NBEA: variants seen among roughly 807,000 people sequenced by gnomAD.
NBEA encodes neurobeachin.
A neutral mutation model predicts 343.4 loss-of-function variants in NBEA; 44 were observed. That is an observed-to-expected ratio of 0.13 (90% CI 0.10 to 0.16). The LOEUF (loss-of-function observed/expected upper bound fraction) is 0.16, where lower values mean the gene tolerates loss of function less well. Ranked by LOEUF, NBEA falls within the 10% of genes least tolerant of loss-of-function variation. The probability of loss-of-function intolerance (pLI) is 1.00; values close to 1 mark genes in which losing one functional copy is unlikely to be tolerated. For synonymous variants in NBEA, 1,175 were observed against 1,238.7 expected (o/e 0.95, Z 1.08); for missense variants, 2,555 against 3,631.3 (o/e 0.70, Z 7.62).
intron 1 of NBEA, among the ~76,000 whole-genome samples, chr13:35,010,841 T>G (rs2061474401): frequency 6.8e-6 from 1 of 147,246 alleles, no homozygotes; most frequent in South Asian, 2.1e-4. Flanking sequence ...GTTAGGAAGA[T>G]GACTGGAGCC....
chr13:35,664,958 C>G, intron 55 of NBEA, 127 bp from the exon 56 acceptor site: 1 of 662,246 alleles, frequency 1.5e-6, no homozygotes, highest in South Asian at 1.9e-5. Context: ...GTAACTGGCT[C>G]ATGGTCACAC....
chr13:35,580,534 T>A (rs916512770), intron 45 of NBEA, among the ~76,000 whole-genome samples: 1 of 152,182 alleles, frequency 6.6e-6, no homozygotes, highest in Non-Finnish European at 1.5e-5. Flanking sequence ...AGTAGGTAAT[T>A]GATTGATAGA....
At position 35,041,661 on chromosome 13, in the gene NBEA, T is replaced by G. The variant is rs146647671; in HGVS notation, c.526+497T>G. Among the ~76,000 whole-genome samples, 17 of 152,090 alleles carry G rather than the reference T, an allele frequency of 1.1e-4. No individual in the cohort carries two copies. The East Asian group carries it at 3.1e-3, about 28-fold the overall frequency. ...TTTGGAAGAAACTTTTGTATTAAAATAAACTAATATATTATGGGCTAGAAC... is the reference window on the plus strand; with the variant it reads ...TTTGGAAGAAACTTTTGTATTAAAAGAAACTAATATATTATGGGCTAGAAC... On this transcript the variant is annotated intron_variant, in intron 2 of 58. Transcript: ENST00000379939.
At chr13:35,085,822 A>G (rs1148329) in intron 10 of NBEA, among the ~76,000 whole-genome samples, 13 of 152,156 alleles carry the variant, frequency 8.5e-5, no homozygotes, top group African/African-American at 3.1e-4. Flanking sequence ...ATGATTGTAT[A>G]TCTAGAAAAC....
intron 41 of NBEA, among the ~76,000 whole-genome samples, chr13:35,526,516 T>C (rs1428524887): frequency 1.3e-5 from 2 of 152,186 alleles, no homozygotes; most frequent in African/African-American, 2.4e-5. Flanking sequence ...TGCACGCCTC[T>C]GGTCCCAGCT....
chr13:35,054,134 A>C (rs912469378), intron 6 of NBEA, among the ~76,000 whole-genome samples: 1 of 152,088 alleles, frequency 6.6e-6, no homozygotes, highest in African/African-American at 2.4e-5. Flanking sequence ...ATCTTTTCCT[A>C]TATGTAGGCA....
chr13:35,129,068 G>A (rs1394613325), intron 17 of NBEA, among the ~76,000 whole-genome samples: 1 of 137,760 alleles, frequency 7.3e-6, no homozygotes, highest in Non-Finnish European at 1.6e-5. Flanking sequence ...TTAAACATGG[G>A]GGGAGGGGGG....
intron 38 of NBEA, among the ~76,000 whole-genome samples, chr13:35,413,888 A>G (rs960450082): frequency 1.3e-5 from 2 of 152,172 alleles, no homozygotes; most frequent in Admixed American, 1.3e-4. Context: ...AAAGCATATG[A>G]TACCACACTC....
chr13:35,640,283 A>G (rs2083884332), intron 49 of NBEA, among the ~76,000 whole-genome samples: 1 of 152,248 alleles, frequency 6.6e-6, no homozygotes, highest in Non-Finnish European at 1.5e-5. Flanking sequence ...CAAAAAGGAA[A>G]GAAAACAATT....
At chr13:35,613,078 A>AAT (rs1555318009) in intron 48 of NBEA, among the ~76,000 whole-genome samples, 2 of 149,450 alleles carry the variant, frequency 1.3e-5, no homozygotes, top group Non-Finnish European at 3.0e-5. Flanking sequence ...ATATTTTAAA[A>AAT]ATATATATAT....
chr13:34,942,903 G>A lies in NBEA; in HGVS notation c.83G>A (p.Gly28Asp). The stretch of plus-strand genomic sequence containing the variant: ...ATTGCCGTCGGGGCCGCTGGCGGAG[G>A]CGGCGGGGGCAGCGGTGGTGGCGGC... Reference protein sequence around the residue: ...GLIAVGAAGGGGGGSGGGGTG... With the variant: ...GLIAVGAAGGDGGGSGGGGTG... The change falls in exon 1 of 59, where the codon GGC becomes GAC. Residue 28 changes from glycine (G) to aspartate (D), a missense_variant. This residue lies in a region of NBEA where 122 missense variants were observed against 91.0 expected (regional missense o/e 1.34). Coordinates refer to ENST00000379939, the MANE Select transcript of NBEA (RefSeq NM_001385012.1). 2 of 1,478,060 alleles carry A rather than the reference G, an allele frequency of 1.4e-6. No individual in the cohort carries two copies. Among genetic ancestry groups the A allele is most frequent in the African/African-American group, 1.4e-5 (1 of 69,518 alleles). The allele number at this position is 1,478,060 out of a possible 1,614,324, so 91.6% of individuals were successfully genotyped here. A position where few individuals can be genotyped will look rare whatever the true frequency, so the allele number is the denominator to read the frequency against.
chr13:35,550,908 G>GT (rs749756706), intron 42 of NBEA, 22 bp from the exon 43 acceptor site: 111 of 1,481,930 alleles, frequency 7.5e-5, no homozygotes, highest in Middle Eastern at 3.5e-4. Flanking sequence ...TCTAAACTCT[G>GT]TTTTTTTTCT....
chr13:35,113,383 G>A (rs1000359489), intron 13 of NBEA, among the ~76,000 whole-genome samples: 16 of 151,932 alleles, frequency 1.1e-4, no homozygotes, highest in African/African-American at 3.9e-4. Context: ...TTTCTCTTTG[G>A]TAATTAATAA....
chr13:35,236,857 A>C (rs905796826), intron 34 of NBEA, among the ~76,000 whole-genome samples: 1 of 151,950 alleles, frequency 6.6e-6, no homozygotes, highest in African/African-American at 2.4e-5. Context: ...GTGCTCCTAC[A>C]GTATTTTACT....
At chr13:35,291,648 ATAGCT>A (rs1450493762) in intron 35 of NBEA, among the ~76,000 whole-genome samples, 1 of 151,960 alleles carries the variant, frequency 6.6e-6, no homozygotes, top group Non-Finnish European at 1.5e-5. Context: ...TTATGGAAAA[ATAGCT>A]TAGAATTCCT....
chr13:35,377,056 G>T (rs2041781919), intron 38 of NBEA, among the ~76,000 whole-genome samples: 1 of 152,156 alleles, frequency 6.6e-6, no homozygotes. Context: ...TAGAGAAATA[G>T]ATCATTAAAA....
chr13:35,587,025 A>G (rs915999723), intron 46 of NBEA, among the ~76,000 whole-genome samples: 1 of 152,216 alleles, frequency 6.6e-6, no homozygotes, highest in South Asian at 2.1e-4. Context: ...ATACAAAAAA[A>G]CTAATTAATT....
intron 38 of NBEA, among the ~76,000 whole-genome samples, chr13:35,357,900 CT>C (rs1434356704): frequency 6.6e-6 from 1 of 152,126 alleles, no homozygotes; most frequent in Admixed American, 6.6e-5. Flanking sequence ...GTAGTCTCTT[CT>C]TTTTTCTGTT....
At chr13:35,533,563 G>A (rs557780147) in intron 41 of NBEA, among the ~76,000 whole-genome samples, 1 of 151,948 alleles carries the variant, frequency 6.6e-6, no homozygotes, top group African/African-American at 2.4e-5. Context: ...TAATTTACCT[G>A]CATACCCAAG....
Sources: gnomAD v4.1 joint callset for allele counts (sites outside exome capture counted in the v4.1 genomes callset) on GRCh38, gnomAD v4.1.1 for gene constraint, gnomAD v4.1.1 regional missense constraint, MANE v1.5 for transcripts, NCBI Gene and HGNC (gene_info 2026-07-23, HGNC 2026-07-21) for gene names.